PCBP3: variants seen among roughly 807,000 people sequenced by gnomAD.
PCBP3 encodes the protein poly(rC)-binding protein 3.
PCBP3 carries 25 observed loss-of-function variants against 52.7 expected under a neutral mutation model. That is an observed-to-expected ratio of 0.47 (90% confidence interval 0.35 to 0.66). The LOEUF (loss-of-function observed/expected upper bound fraction) is 0.66. Among genes scored for constraint, PCBP3 ranks in the 30% least tolerant of loss-of-function variants. The pLI is 0.01. For synonymous variants in PCBP3, 162 were observed against 183.0 expected (o/e 0.89, Z 0.93); for missense variants, 391 against 490.3 (o/e 0.80, Z 1.91).
intron 17 of PCBP3, 66 bp from the exon 18 acceptor site, chr21:45,941,604 C>A: frequency 6.8e-7 from 1 of 1,464,766 alleles, no homozygotes; most frequent in Non-Finnish European, 9.4e-7. Flanking sequence ...CCCGGCCTCA[C>A]GTCTGCCCAC....
intron 2 of PCBP3, among the ~76,000 whole-genome samples, chr21:45,722,903 G>A (rs1374295208): frequency 1.3e-5 from 2 of 151,770 alleles, no homozygotes; most frequent in East Asian, 3.9e-4. Context: ...GTCCCAAGCT[G>A]CTTGGGAGGC....
intron 2 of PCBP3, among the ~76,000 whole-genome samples, chr21:45,673,215 C>A (rs1199950611): frequency 6.6e-6 from 1 of 152,166 alleles, no homozygotes; most frequent in Non-Finnish European, 1.5e-5. Flanking sequence ...TAGACTCTTT[C>A]TTTGGGAATT....
chr21:45,938,939 C>A (rs2839066), intron 16 of PCBP3, among the ~76,000 whole-genome samples: 9,341 of 152,316 alleles, frequency 0.061, 712 homozygotes, highest in African/African-American at 0.17. Context: ...TTCACGCTTG[C>A]AAGTGGACGT....
At chr21:45,727,119 A>G (rs770227935) in intron 2 of PCBP3, among the ~76,000 whole-genome samples, 1 of 152,186 alleles carries the variant, frequency 6.6e-6, no homozygotes, top group Non-Finnish European at 1.5e-5. Context: ...TTAAGATTTT[A>G]TCTTATTCAT....
chr21:45,643,974 A>C (rs1188754421), intron 1 of PCBP3, 106 bp downstream of exon 1: 1 of 148,600 alleles, frequency 6.7e-6, no homozygotes, highest in East Asian at 2.0e-4. Flanking sequence ...GGCCGCGGCA[A>C]ACTTCGCCCG....
Position 45,814,177 on chromosome 21 carries a change from A to G in PCBP3, c.-125-35784A>G, listed in dbSNP as rs2092761408. 3.3e-5 allele frequency among the ~76,000 whole-genome samples: 5 copies of G among 152,232 alleles called. No homozygotes were observed. In the South Asian group the frequency reaches 1.0e-3, roughly 31 times the overall value. ...CTTCGAAACATAGAAAAGGTGAAGT[A>G]AAAATACAGTATAAAACATAAAGAA... On this transcript the variant is annotated intron_variant, in intron 4 of 17. Transcript: ENST00000681687.
chr21:45,881,805 C>T (rs779541436), intron 5 of PCBP3, among the ~76,000 whole-genome samples: 1 of 152,110 alleles, frequency 6.6e-6, no homozygotes, highest in Non-Finnish European at 1.5e-5. Context: ...TGAGATCATG[C>T]AGTATTTGTC....
At chr21:45,863,796 G>T (rs1390691502) in intron 5 of PCBP3, among the ~76,000 whole-genome samples, 1 of 152,208 alleles carries the variant, frequency 6.6e-6, no homozygotes, top group Non-Finnish European at 1.5e-5. Flanking sequence ...CGGTCCGCGG[G>T]CAGGACGGTT....
At chr21:45,773,045 A>G (rs564622586) in intron 4 of PCBP3, among the ~76,000 whole-genome samples, 2 of 152,094 alleles carry the variant, frequency 1.3e-5, no homozygotes, top group South Asian at 4.2e-4. Context: ...CACTCTGCTG[A>G]TTGTTTTCTT....
At chr21:45,913,703 A>T (rs371220275) in intron 11 of PCBP3, among the ~76,000 whole-genome samples, 17 of 152,320 alleles carry the variant, frequency 1.1e-4, no homozygotes, top group Admixed American at 5.9e-4. Flanking sequence ...GGTGTGTGGC[A>T]AACTGCAGCC....
At chr21:45,754,063 T>C (rs1293954308) in intron 3 of PCBP3, among the ~76,000 whole-genome samples, 1 of 152,210 alleles carries the variant, frequency 6.6e-6, no homozygotes, top group Non-Finnish European at 1.5e-5. Context: ...CTGTATTTTA[T>C]TTTTAATTTT....
intron 2 of PCBP3, among the ~76,000 whole-genome samples, chr21:45,730,779 C>T (rs1378873455): frequency 6.6e-6 from 1 of 151,936 alleles, no homozygotes; most frequent in Admixed American, 6.6e-5. Context: ...ATATAATGTC[C>T]TTATTTACTT....
rs2093137989 is a variant in PCBP3, at chr21:45,821,529, A to C, written c.-125-28432A>C. Among the ~76,000 whole-genome samples, 3 of 150,982 alleles carry C rather than the reference A, an allele frequency of 2.0e-5. No homozygotes were observed. The South Asian group carries it at 6.3e-4, about 32-fold the overall frequency. ...GTGCCTTCCCCTAACTCATTTCTAG[A>C]ATACTCTTCCCTGCCTGCACCCTGC... On this transcript the variant is annotated intron_variant, in intron 4 of 17. Transcript: ENST00000681687. This position sits in a 1 kb window ranked among gnomAD's most constrained non-coding sequence, Gnocchi z 4.4.
chr21:45,909,364 A>T lies in PCBP3; in HGVS notation c.349A>T (p.Asn117Tyr). The change falls in exon 10 of 18, where the codon AAC becomes TAC. Residue 117 changes from asparagine (N) to tyrosine (Y), a missense_variant. Coordinates refer to ENST00000681687, the MANE Select transcript of PCBP3 (RefSeq NM_001384156.1). ...IAYKFEEDII[N>Y]SMSNSPATSK... ...CGTGTCTCTCCCCTAGGATATCATCAACTCCATGAGCAACAGCCCTGCCAC... is the reference window on the plus strand; with the variant it reads ...CGTGTCTCTCCCCTAGGATATCATCTACTCCATGAGCAACAGCCCTGCCAC... The T allele has an allele frequency of 6.2e-7, 1 of 1,612,632 alleles. No homozygotes were observed. Among genetic ancestry groups the T allele is most frequent in the Non-Finnish European group, 8.5e-7 (1 of 1,179,590 alleles).
intron 16 of PCBP3, among the ~76,000 whole-genome samples, chr21:45,936,356 C>T (rs1277473592): frequency 6.6e-6 from 1 of 152,228 alleles, no homozygotes; most frequent in African/African-American, 2.4e-5. Context: ...GCACTCTAGG[C>T]CTTCTTCTAT....
intron 3 of PCBP3, among the ~76,000 whole-genome samples, chr21:45,743,273 G>A (rs2086582151): frequency 6.6e-6 from 1 of 152,102 alleles, no homozygotes; most frequent in Non-Finnish European, 1.5e-5. Context: ...GGTTTTATTT[G>A]CAAAAGGGTT....
intron 4 of PCBP3, among the ~76,000 whole-genome samples, chr21:45,794,271 C>A (rs2091798968): frequency 6.6e-6 from 1 of 152,120 alleles, no homozygotes. Flanking sequence ...TACAAATTAG[C>A]TGGATGTAGT....
At chr21:45,665,268 C>G (rs897456750) in intron 1 of PCBP3, among the ~76,000 whole-genome samples, 1 of 151,942 alleles carries the variant, frequency 6.6e-6, no homozygotes, top group African/African-American at 2.4e-5. Context: ...ATTAGACAGG[C>G]ATGGTGGTAC....
At chr21:45,841,480 A>G (rs900245988) in intron 4 of PCBP3, among the ~76,000 whole-genome samples, 1 of 151,554 alleles carries the variant, frequency 6.6e-6, no homozygotes, top group African/African-American at 2.4e-5. Flanking sequence ...TTGCCATTCC[A>G]CTTCTGAGAT....
Sources: allele counts gnomAD v4.1 joint callset (sites outside exome capture counted in the v4.1 genomes callset), GRCh38; gene constraint gnomAD v4.1.1; non-coding constraint Gnocchi (gnomAD v3.1); transcripts MANE v1.5; gene names NCBI Gene and HGNC (gene_info 2026-07-23, HGNC 2026-07-21).